MKLN1: variants seen among roughly 807,000 people sequenced by gnomAD.
MKLN1 encodes the protein muskelin.
MKLN1 carries 18 observed loss-of-function variants against 99.0 expected under a neutral mutation model. That is an observed-to-expected ratio of 0.18 (90% CI 0.13 to 0.27). The LOEUF (loss-of-function observed/expected upper bound fraction) is 0.27. MKLN1 is among the 10% of genes least tolerant of loss of function. MKLN1 has a pLI of 1.00. For missense variants in MKLN1, 621 were observed against 875.9 expected (o/e 0.71, Z 3.67); for synonymous variants, 288 against 293.2 (o/e 0.98, Z 0.18).
At chr7:131,136,067 A>T (rs1389779978) in intron 1 of MKLN1, among the ~76,000 whole-genome samples, 4 of 152,042 alleles carry the variant, frequency 2.6e-5, no homozygotes, top group Admixed American at 2.0e-4. Context: ...TTGCAATTTT[A>T]TCTCCTCCTG....
rs1800052211 is a variant in MKLN1, at chr7:131,362,244, CT to C, written c.99-13178del. Among the ~76,000 whole-genome samples, 5 of 152,054 alleles carry C rather than the reference CT, an allele frequency of 3.3e-5. No homozygotes were observed. In the South Asian group the frequency reaches 1.0e-3, roughly 32 times the overall value. ...CGTCATTAGTGAACTATGGAGTGTA[CT>C]TACACAAACTTAAATAGTATAGCGT... On this transcript the variant is annotated intron_variant, in intron 1 of 17. Coordinates refer to ENST00000352689, the MANE Select transcript of MKLN1 (RefSeq NM_013255.5).
intron 3 of MKLN1, among the ~76,000 whole-genome samples, chr7:131,296,868 C>A (rs185594949): frequency 1.3e-5 from 2 of 152,280 alleles, no homozygotes; most frequent in Admixed American, 6.5e-5. Context: ...TCCCAAGAAG[C>A]TGGGACCACA....
intron 2 of MKLN1, among the ~76,000 whole-genome samples, chr7:131,153,038 T>G (rs2895222): frequency 1.9e-4 from 28 of 148,412 alleles, no homozygotes; most frequent in Admixed American, 4.0e-4. Flanking sequence ...TATATATTTT[T>G]TTTTTTTTTG....
intron 3 of MKLN1, among the ~76,000 whole-genome samples, chr7:131,249,583 A>G (rs976745874): frequency 6.6e-6 from 1 of 152,194 alleles, no homozygotes; most frequent in Non-Finnish European, 1.5e-5. Context: ...AGAGAGGCAC[A>G]ATGGGGACAA....
At chr7:131,447,187 CT>C (rs1160594054) in intron 12 of MKLN1, among the ~76,000 whole-genome samples, 2 of 152,166 alleles carry the variant, frequency 1.3e-5, no homozygotes, top group African/African-American at 4.8e-5. Flanking sequence ...TAGTAAACAT[CT>C]TCGTCTATTA....
chr7:131,239,762 G>T (rs113140282), intron 3 of MKLN1, among the ~76,000 whole-genome samples: 4,186 of 152,270 alleles, frequency 0.027, 166 homozygotes, highest in African/African-American at 0.095. Context: ...GGCTGAAATG[G>T]GAGGATTGCT....
intron 3 of MKLN1, among the ~76,000 whole-genome samples, chr7:131,241,398 GAAA>G (rs67546678): frequency 1.4e-5 from 2 of 141,810 alleles, no homozygotes; most frequent in African/African-American, 5.2e-5. Context: ...AAAGAAAAAA[GAAA>G]AAAAAAAAAA....
At chr7:131,145,858 C>T (rs1194111725) in intron 2 of MKLN1, among the ~76,000 whole-genome samples, 3 of 152,206 alleles carry the variant, frequency 2.0e-5, no homozygotes, top group Non-Finnish European at 2.9e-5. Context: ...AATTCCCTGA[C>T]CCTGGTGCCC....
Position 131,387,042 on chromosome 7 carries a change from T to G in MKLN1, c.169-78T>G. On this transcript the variant is annotated intron_variant, in intron 2 of 17. Coordinates refer to ENST00000352689, the MANE Select transcript of MKLN1 (RefSeq NM_013255.5). Reference sequence around the variant, plus strand: ...GGATGGACCTTATACATTCTTCTGTTAACTGGCAATAGTTTTAAAGTTGTC... The same window carrying G: ...GGATGGACCTTATACATTCTTCTGTGAACTGGCAATAGTTTTAAAGTTGTC... 8.9e-6 allele frequency: 12 copies of G among 1,345,712 alleles called. No homozygotes were observed. In the South Asian group the frequency reaches 1.7e-4, roughly 20 times the overall value. The allele number at this position is 1,345,712 out of a possible 1,614,324, so 83.4% of individuals were successfully genotyped here.
intron 2 of MKLN1, among the ~76,000 whole-genome samples, chr7:131,383,832 G>A (rs925693787): frequency 1.3e-5 from 2 of 152,030 alleles, no homozygotes; most frequent in South Asian, 2.1e-4. Flanking sequence ...CCATCTCCAC[G>A]CTATTTTAGT....
At chr7:131,430,843 G>A (rs957095828) in intron 9 of MKLN1, among the ~76,000 whole-genome samples, 1 of 152,150 alleles carries the variant, frequency 6.6e-6, no homozygotes, top group African/African-American at 2.4e-5. Context: ...CAGGAGGACT[G>A]CTTGAGGATT....
chr7:131,388,846 A>T, intron 3 of MKLN1, 38 bp from the exon 4 acceptor site: 1 of 1,381,244 alleles, frequency 7.2e-7, no homozygotes. Flanking sequence ...TTACTAAATT[A>T]TGAAGTCAGA....
intron 10 of MKLN1, among the ~76,000 whole-genome samples, chr7:131,442,936 G>GT (rs1795885131): frequency 1.3e-5 from 2 of 152,216 alleles, no homozygotes; most frequent in Admixed American, 1.3e-4. Flanking sequence ...TCTTCACATT[G>GT]TAGAAGTCAG....
intron 3 of MKLN1, among the ~76,000 whole-genome samples, chr7:131,215,346 A>G (rs1584841065): frequency 6.6e-6 from 1 of 151,914 alleles, no homozygotes; most frequent in African/African-American, 2.4e-5. Context: ...CTGTGCCCAG[A>G]CAATTGTTGT....
chr7:131,486,354 A>G (rs1461237939), intron 17 of MKLN1, among the ~76,000 whole-genome samples: 1 of 152,012 alleles, frequency 6.6e-6, no homozygotes, highest in Non-Finnish European at 1.5e-5. Context: ...ATTCATTTCC[A>G]TGATCCGATA....
intron 12 of MKLN1, among the ~76,000 whole-genome samples, chr7:131,459,268 C>T (rs1796442792): frequency 6.6e-6 from 1 of 152,144 alleles, no homozygotes; most frequent in African/African-American, 2.4e-5. Context: ...GACCTACTAT[C>T]AGACAAGGGT....
chr7:131,467,193 T>C (rs887230056), intron 15 of MKLN1, among the ~76,000 whole-genome samples: 15 of 152,170 alleles, frequency 9.9e-5, no homozygotes, highest in African/African-American at 3.6e-4. Flanking sequence ...CTGTATATTA[T>C]TCTGTGACAG....
intron 3 of MKLN1, among the ~76,000 whole-genome samples, chr7:131,218,726 G>A (rs967357839): frequency 5.3e-5 from 8 of 152,176 alleles, no homozygotes; most frequent in Non-Finnish European, 8.8e-5. Flanking sequence ...ATGATGCCGA[G>A]TGAAATAAGC....
chr7:131,452,648 T>G (rs867332197), intron 12 of MKLN1, among the ~76,000 whole-genome samples: 24 of 149,940 alleles, frequency 1.6e-4, no homozygotes, highest in South Asian at 4.2e-4. Flanking sequence ...CCTCCCGGGT[T>G]CAAGCGATTC....
Sources: allele counts gnomAD v4.1 joint callset (sites outside exome capture counted in the v4.1 genomes callset), GRCh38; gene constraint gnomAD v4.1.1; transcripts MANE v1.5; gene names NCBI Gene and HGNC (gene_info 2026-07-23, HGNC 2026-07-21).